Variants in CHD1 observed in about 807,000 individuals in gnomAD.
CHD1 encodes chromodomain helicase DNA binding protein 1, also known as ATP-dependent chromatin remodeler CHD1.
A neutral mutation model predicts 224.2 loss-of-function variants in CHD1; 36 were observed. The observed-to-expected ratio is 0.16, with a 90% CI of 0.12 to 0.21. The LOEUF (loss-of-function observed/expected upper bound fraction) is 0.21, where lower values mean the gene tolerates loss of function less well. Among genes scored for constraint, CHD1 ranks in the 10% least tolerant of loss-of-function variants. The pLI is 1.00. For missense variants in CHD1, 1,378 were observed against 1,994.8 expected, an observed-to-expected ratio of 0.69 and a Z score of 5.89; for synonymous variants, 668 against 658.3, an observed-to-expected ratio of 1.01 and a Z score of -0.23.
chr5:98,870,785 C>G lies in CHD1; in HGVS notation c.3880G>C (p.Asp1294His). 6.2e-7 allele frequency: 1 copy of G among 1,609,584 alleles called. No homozygotes were observed. The highest frequency in any genetic ancestry group is 8.5e-7 in the Non-Finnish European group (1 of 1,177,304). Residue 1294 changes from aspartate (D) to histidine (H), a missense_variant, in exon 29 of 36, where the codon GAT becomes CAT. By Grantham distance (81) the Asp-to-His change is moderately conservative. This residue lies in a region of CHD1 where 286 missense variants were observed against 445.1 expected (regional missense o/e 0.64). Coordinates refer to ENST00000614616, the MANE Select transcript of CHD1 (RefSeq NM_001270.4). ...LTHKILPDDP[D>H]KKPQAKQLQT... ...AACTGTTTTGCTTGTGGTTTTTTAT[C>G]GGGATCATCTGGAAGAATCTGAAAA...
At chr5:98,896,589 T>A (rs997133126) in intron 11 of CHD1, 147 bp from the exon 12 acceptor site, 9 of 610,938 alleles carry the variant, frequency 1.5e-5, no homozygotes, top group Non-Finnish European at 2.3e-5. Context: ...CTACAAATAA[T>A]AAATGTAAAG....
intron 24 of CHD1, among the ~76,000 whole-genome samples, chr5:98,876,112 A>G (rs1749729404): frequency 6.6e-6 from 1 of 152,216 alleles, no homozygotes; most frequent in Non-Finnish European, 1.5e-5. Context: ...ATGCATCAAA[A>G]CTACTTTTAT....
chr5:98,869,728 G>T, intron 30 of CHD1, 26 bp downstream of exon 30: 4 of 1,608,616 alleles, frequency 2.5e-6, no homozygotes, highest in Non-Finnish European at 3.4e-6. Context: ...CATAGAAAAG[G>T]TTGTTGTTCT....
At chr5:98,917,862 T>C (rs1752840036) in intron 2 of CHD1, among the ~76,000 whole-genome samples, 1 of 152,148 alleles carries the variant, frequency 6.6e-6, no homozygotes, top group Admixed American at 6.5e-5. Flanking sequence ...TAGTGATACA[T>C]AATATATTTT....
chr5:98,882,229 G>A (rs1458535333), intron 19 of CHD1, 106 bp from the exon 20 acceptor site: 1 of 864,322 alleles, frequency 1.2e-6, no homozygotes. Flanking sequence ...TCTATATGAA[G>A]TTTTCACTGG....
At chr5:98,909,468 A>AGCCTTATC (rs1752252427) in intron 2 of CHD1, among the ~76,000 whole-genome samples, 1 of 152,154 alleles carries the variant, frequency 6.6e-6, no homozygotes, top group African/African-American at 2.4e-5. Context: ...AGGTACTGCC[A>AGCCTTATC]GCCTTATCCA....
chr5:98,913,352 C>T (rs1292335781), intron 2 of CHD1, among the ~76,000 whole-genome samples: 5 of 152,102 alleles, frequency 3.3e-5, no homozygotes, highest in Non-Finnish European at 7.4e-5. Flanking sequence ...CATATGCCTT[C>T]AGTCCTAGCT....
chr5:98,858,156 T>A, intron 35 of CHD1, 24 bp downstream of exon 35: 1 of 1,604,096 alleles, frequency 6.2e-7, no homozygotes, highest in South Asian at 1.1e-5. Context: ...TAAGCAAAAT[T>A]TCTAAAGTGA....
intron 5 of CHD1, among the ~76,000 whole-genome samples, chr5:98,901,725 G>A (rs1171199661): frequency 2.0e-5 from 3 of 147,116 alleles, no homozygotes; most frequent in Non-Finnish European, 3.0e-5. Flanking sequence ...AATAGTGCAC[G>A]TTCATTAAGA....
Position 98,854,086 on chromosome 5 carries a change from TAAC to T in CHD1, c.*2291_*2293del, listed in dbSNP as rs1015870639. ...AAAATTAAACATAACTGGATAAAAA[TAAC>T]AAAGCAGAATGAAAACAGAATATTT... On this transcript the variant is annotated 3_prime_UTR_variant, in exon 36 of 36. Coordinates refer to ENST00000614616, the MANE Select transcript of CHD1 (RefSeq NM_001270.4). 7.9e-5 allele frequency: 12 copies of T among 152,086 alleles called. No homozygotes were observed. Among genetic ancestry groups the T allele is most frequent in the African/African-American group, 1.4e-4 (6 of 41,544 alleles). The allele number at this position is 152,086 out of a possible 1,614,324, so 9.4% of individuals were successfully genotyped here. A position where few individuals can be genotyped will look rare whatever the true frequency, so the allele number is the denominator to read the frequency against.
chr5:98,917,336 T>C (rs1024866813), intron 2 of CHD1, among the ~76,000 whole-genome samples: 2 of 139,204 alleles, frequency 1.4e-5, no homozygotes, highest in Non-Finnish European at 3.0e-5. Context: ...ATATTGGGCT[T>C]GATACTTGTC....
intron 2 of CHD1, among the ~76,000 whole-genome samples, chr5:98,922,067 G>A (rs1409972206): frequency 6.6e-6 from 1 of 152,042 alleles, no homozygotes; most frequent in Non-Finnish European, 1.5e-5. Flanking sequence ...GCAGAAAACT[G>A]CCAGAACACA....
chr5:98,925,395 C>A (rs1753388795), intron 2 of CHD1, among the ~76,000 whole-genome samples: 1 of 152,140 alleles, frequency 6.6e-6, no homozygotes, highest in Non-Finnish European at 1.5e-5. Context: ...ACAAGCCCAG[C>A]CGTGAACTTT....
At chr5:98,898,205 T>C (rs758790048) in intron 10 of CHD1, 51 bp downstream of exon 10, 4 of 990,068 alleles carry the variant, frequency 4.0e-6, no homozygotes, top group Non-Finnish European at 5.4e-6. Flanking sequence ...TGTAAATATT[T>C]ATAATGTATA....
chr5:98,859,029 AC>A lies in CHD1; in HGVS notation c.4525-15del, dbSNP rs1748262615. 1.3e-6 allele frequency: 2 copies of A among 1,564,352 alleles called. No individual in the cohort carries two copies. Among genetic ancestry groups the A allele is most frequent in the African/African-American group, 2.8e-5 (2 of 71,446 alleles). Reference sequence around the variant, plus strand: ...ATCACTGTTTTGCTAAAATAAATGCACACGTGTTAAGAATCTTTAGGTGACT... The same window carrying A: ...ATCACTGTTTTGCTAAAATAAATGCAACGTGTTAAGAATCTTTAGGTGACT... On this transcript the variant is annotated splice_polypyrimidine_tract_variant and intron_variant, in intron 33 of 35. Transcript: ENST00000614616.
intron 22 of CHD1, 95 bp downstream of exon 22, chr5:98,880,981 G>T: frequency 1.3e-6 from 1 of 766,690 alleles, no homozygotes; most frequent in Non-Finnish European, 2.2e-6. Flanking sequence ...CAATCTTCCT[G>T]ATTATGCTTA....
chr5:98,904,793 T>C (rs1409206075), intron 3 of CHD1, 104 bp downstream of exon 3: 6 of 1,007,676 alleles, frequency 6.0e-6, no homozygotes, highest in South Asian at 1.4e-5. Context: ...ATTTAAAATG[T>C]TGTCTTCTCT....
chr5:98,921,790 A>C (rs959172815), intron 2 of CHD1, among the ~76,000 whole-genome samples: 1 of 152,346 alleles, frequency 6.6e-6, no homozygotes, highest in South Asian at 2.1e-4. Flanking sequence ...TAACTCATAC[A>C]CCATTCTGAT....
At chr5:98,885,467 A>G (rs1234474721) in intron 18 of CHD1, 111 bp downstream of exon 18, 5 of 728,810 alleles carry the variant, frequency 6.9e-6, no homozygotes, top group Non-Finnish European at 1.1e-5. Flanking sequence ...GGCTAACACC[A>G]CTCTTTTTTT....
Sources: allele counts gnomAD v4.1 joint callset (sites outside exome capture counted in the v4.1 genomes callset), GRCh38; gene constraint gnomAD v4.1.1; regional missense constraint gnomAD v4.1.1; transcripts MANE v1.5; gene names NCBI Gene and HGNC (gene_info 2026-07-23, HGNC 2026-07-21).